ZNF300: variants seen among roughly 807,000 people sequenced by gnomAD.
ZNF300 encodes the protein kruppel-like zinc finger protein.
Under a neutral mutation model 13.9 loss-of-function variants are expected in ZNF300, and 6 were observed. The ratio of observed to expected loss-of-function variants is 0.43; its 90% confidence interval spans 0.24 to 0.85. ZNF300 has a LOEUF of 0.85. Among genes scored for constraint, ZNF300 ranks in the 40% least tolerant of loss-of-function variants. The pLI, the probability that ZNF300 is intolerant of heterozygous loss-of-function variation, is 0.25. For synonymous variants in ZNF300, 237 were observed against 242.2 expected, an observed-to-expected ratio of 0.98 and a Z score of 0.20; for missense variants, 662 against 714.2, an observed-to-expected ratio of 0.93 and a Z score of 0.83.
chr5:150,897,740 A>T (rs1754845274), intron 5 of ZNF300: 1 of 314,976 alleles, frequency 3.2e-6, no homozygotes, highest in Non-Finnish European at 5.8e-6. Flanking sequence ...TAAAACAGTA[A>T]CTGTATTTGA....
Position 150,898,430 on chromosome 5 carries a change from A to G in ZNF300, c.140T>C (p.Met47Thr). 8 of 1,613,414 alleles carry G rather than the reference A, an allele frequency of 5.0e-6. No homozygotes were observed. Among genetic ancestry groups the G allele is most frequent in the Non-Finnish European group, 6.8e-6 (8 of 1,179,570 alleles). ...MLENYSHLVSMGYPVSKPDVI... is the reference protein window; with the variant it reads ...MLENYSHLVSTGYPVSKPDVI... ...TTATTCAGGGAAGCCATCCTTACCCATTGAGACCAGGTGGCTGTAGTTCTC... is the reference window on the plus strand; with the variant it reads ...TTATTCAGGGAAGCCATCCTTACCCGTTGAGACCAGGTGGCTGTAGTTCTC... The change falls in exon 4 of 6, where the codon ATG becomes ACG. Residue 47 changes from methionine to threonine, a missense_variant and splice_region_variant. Coordinates refer to ENST00000274599, the MANE Select transcript of ZNF300 (RefSeq NM_052860.4).
At chr5:150,902,006 T>C (rs6888293) in intron 3 of ZNF300, among the ~76,000 whole-genome samples, 8,020 of 152,222 alleles carry the variant, frequency 0.053, 544 homozygotes, top group African/African-American at 0.16. Flanking sequence ...TACTTCTACA[T>C]ATAAACTGTT....
At chr5:150,897,205 G>T in intron 5 of ZNF300, 2 of 389,834 alleles carry the variant, frequency 5.1e-6, no homozygotes, top group South Asian at 9.4e-5. Flanking sequence ...GAAAAAGTGG[G>T]GTCTCATCAC....
At position 150,895,337 on chromosome 5, in the gene ZNF300, TG is replaced by T. The variant is rs1754716225; in HGVS notation, c.*86del. On this transcript the variant is annotated 3_prime_UTR_variant, in exon 6 of 6. Coordinates refer to ENST00000274599, the MANE Select transcript of ZNF300 (RefSeq NM_052860.4). ...CCTTAAAAATTTTTATCTATTGGGA[TG>T]TTGTCCCCAAGCTTATCAAATTAAT... 2 of 1,040,804 alleles carry T rather than the reference TG, an allele frequency of 1.9e-6. No individual in the cohort carries two copies. Among genetic ancestry groups the T allele is most frequent in the Non-Finnish European group, 2.7e-6 (2 of 745,892 alleles). The allele number at this position is 1,040,804 out of a possible 1,614,324, so 64.5% of individuals were successfully genotyped here.
chr5:150,898,332 G>C (rs1754871316), intron 4 of ZNF300, 96 bp downstream of exon 4: 2 of 1,599,784 alleles, frequency 1.3e-6, no homozygotes, highest in African/African-American at 1.3e-5. Context: ...GGTCATAAAA[G>C]TCATGACATA....
chr5:150,902,280 T>A (rs991179406), intron 3 of ZNF300, among the ~76,000 whole-genome samples: 1 of 152,196 alleles, frequency 6.6e-6, no homozygotes, highest in African/African-American at 2.4e-5. Flanking sequence ...GCAAAAGATA[T>A]GGAGCATCAG....
chr5:150,898,547 A>T lies in ZNF300; in HGVS notation c.23T>A (p.Val8Glu). The T allele has an allele frequency of 6.2e-7, 1 of 1,605,762 alleles. No homozygotes were observed. Among genetic ancestry groups the T allele is most frequent in the Non-Finnish European group, 8.5e-7 (1 of 1,175,424 alleles). The change falls in exon 4 of 6, where the codon GTA (valine) becomes GAA (glutamate). Residue 8 changes from valine (V) to glutamate (E), a missense_variant. Coordinates refer to ENST00000274599, the MANE Select transcript of ZNF300 (RefSeq NM_052860.4). MMKSQGLVSFKDVAVDFT... is the reference protein window; with the variant it reads MMKSQGLESFKDVAVDFT... Reference sequence around the variant, plus strand: ...ATCCACAGCCACATCCTTGAATGATACTAACCCCTGTAATAGTAAATTCCT... The same window carrying T: ...ATCCACAGCCACATCCTTGAATGATTCTAACCCCTGTAATAGTAAATTCCT...
In ZNF300 at chr5:150,896,333, G is replaced by A. The variant is rs768880747; in HGVS notation, c.906C>T (p.Cys302=). 1.9e-5 allele frequency: 30 copies of A among 1,613,324 alleles called. No individual in the cohort carries two copies. The highest frequency in any genetic ancestry group is 6.7e-5 in the African/African-American group (5 of 74,822). The part of the protein sequence containing the change: ...TGKKPYDCGA[C]GKAFSEKFHL... Reference sequence around the variant, plus strand: ...GAAACTTCTCACTGAAGGCTTTTCCGCATGCACCACAATCATATGGTTTCT... The same window carrying A: ...GAAACTTCTCACTGAAGGCTTTTCCACATGCACCACAATCATATGGTTTCT... Residue 302 remains cysteine (C), a synonymous_variant, in exon 6 of 6, where the codon TGC becomes TGT. Transcript: ENST00000274599.
intron 5 of ZNF300, 140 bp from the exon 6 acceptor site, chr5:150,897,113 C>G: frequency 4.8e-6 from 3 of 627,208 alleles, no homozygotes; most frequent in Non-Finnish European, 8.2e-6. Flanking sequence ...GAAGACAGTA[C>G]AGCATATAGT....
intron 3 of ZNF300, among the ~76,000 whole-genome samples, chr5:150,900,308 G>C (rs1237772669): frequency 6.6e-6 from 1 of 151,970 alleles, no homozygotes; most frequent in African/African-American, 2.4e-5. Context: ...CTCCATTTTA[G>C]TTTCAAAATT....
chr5:150,896,955 T>C lies in ZNF300; in HGVS notation c.284A>G (p.His95Arg). Residue 95 changes from histidine (H) to arginine (R), a missense_variant, in exon 6 of 6, where the codon CAC (histidine) becomes CGC (arginine). Transcript: ENST00000274599. ...DGRQDRKSNL[H>R]NSQSCILGTV... Reference sequence around the variant, plus strand: ...CCCCAAAATACATGACTGGGAGTTGTGAAGGTTACTCTTCCTGTCTAAAAG... The same window carrying C: ...CCCCAAAATACATGACTGGGAGTTGCGAAGGTTACTCTTCCTGTCTAAAAG... 1 of 1,611,140 alleles carries C rather than the reference T, an allele frequency of 6.2e-7. No individual in the cohort carries two copies. Among genetic ancestry groups the C allele is most frequent in the Non-Finnish European group, 8.5e-7 (1 of 1,178,658 alleles).
intron 5 of ZNF300, chr5:150,897,764 A>G (rs1561756729): frequency 1.1e-5 from 4 of 370,560 alleles, no homozygotes; most frequent in Non-Finnish European, 1.4e-5. Flanking sequence ...TTAATTTAAT[A>G]CAGTCATTTA....
rs1406836832 is a variant in ZNF300, at chr5:150,896,353, GT to G, written c.885del (p.Lys295AsnfsTer102). 14 of 1,613,450 alleles carry G rather than the reference GT, an allele frequency of 8.7e-6. No individual in the cohort carries two copies. The highest frequency in any genetic ancestry group is 1.2e-5 in the Non-Finnish European group (14 of 1,179,820). ...TTTCCGCATGCACCACAATCATATGGTTTCTTTCCAGTATGAATTCTTTGAT... is the reference window on the plus strand; with the variant it reads ...TTTCCGCATGCACCACAATCATATGGTTCTTTCCAGTATGAATTCTTTGAT... ...IVHQRIHTGKKPYDCGACGKA... is the reference protein window; with the variant it reads ...IVHQRIHTGKXPYDCGACGKA... On this transcript the variant is annotated frameshift_variant, in exon 6 of 6. Transcript: ENST00000274599. LOFTEE classifies it low-confidence loss of function (END_TRUNC).
At chr5:150,898,916 A>AC (rs892546727) in intron 3 of ZNF300, among the ~76,000 whole-genome samples, 23 of 151,924 alleles carry the variant, frequency 1.5e-4, no homozygotes, top group Admixed American at 1.2e-3. Context: ...TGAAGTCCTA[A>AC]CCCCCAGTAC....
Position 150,898,138 on chromosome 5 carries a change from T to C in ZNF300, c.189A>G (p.Gly63=). 6.2e-7 allele frequency: 1 copy of C among 1,613,632 alleles called. No individual in the cohort carries two copies. Among genetic ancestry groups the C allele is most frequent in the Non-Finnish European group, 8.5e-7 (1 of 1,179,720 alleles). ...CTCCCTTTATGATCCATGGCTCTTC[T>C]CCTTGTTCCAACTTGGAGATGACAT... ...KPDVISKLEQ[G]EEPWIIKGDI... is the part of the protein sequence containing the mutation. Residue 63 remains glycine (G), a synonymous_variant, in exon 5 of 6, where the codon GGA becomes GGG. Transcript: ENST00000274599.
intron 3 of ZNF300, 27 bp downstream of exon 3, chr5:150,903,112 ATT>A (rs111355487): frequency 9.5e-5 from 121 of 1,275,584 alleles, no homozygotes; most frequent in Admixed American, 1.6e-4. Context: ...CCAAAGAAGA[ATT>A]TTTTTTTTTT....
chr5:150,899,056 A>G (rs973997306), intron 3 of ZNF300, among the ~76,000 whole-genome samples: 1 of 152,088 alleles, frequency 6.6e-6, no homozygotes, highest in Non-Finnish European at 1.5e-5. Flanking sequence ...ACACAAAGAC[A>G]TGCATAGAGG....
chr5:150,903,447 T>A, intron 2 of ZNF300: 2 of 1,281,874 alleles, frequency 1.6e-6, no homozygotes, highest in Non-Finnish European at 2.2e-6. Context: ...AAGATATGTT[T>A]CCAGTTGATT....
chr5:150,899,553 ATAGT>A (rs1754921265), intron 3 of ZNF300, among the ~76,000 whole-genome samples: 1 of 152,102 alleles, frequency 6.6e-6, no homozygotes, highest in Non-Finnish European at 1.5e-5. Flanking sequence ...TATACATACA[ATAGT>A]TAGTAATAGA....
Sources: gnomAD v4.1 joint callset for allele counts (sites outside exome capture counted in the v4.1 genomes callset) on GRCh38, gnomAD v4.1.1 for gene constraint, MANE v1.5 for transcripts, NCBI Gene and HGNC (gene_info 2026-07-23, HGNC 2026-07-21) for gene names.